HDAC9: variants seen among roughly 807,000 people sequenced by gnomAD.
HDAC9 encodes the protein MEF-2 interacting transcription repressor (MITR) protein.
In HDAC9, 41 loss-of-function variants were observed where a neutral mutation model predicts 139.4. The ratio of observed to expected loss-of-function variants is 0.29; its 90% CI spans 0.23 to 0.38. The LOEUF is 0.38. HDAC9 is among the 10% of genes least tolerant of loss of function. HDAC9 has a pLI of 1.00. For missense variants in HDAC9, 1,147 were observed against 1,297.0 expected (o/e 0.88, Z 1.78); for synonymous variants, 517 against 476.2 (o/e 1.09, Z -1.12).
intron 6 of HDAC9, among the ~76,000 whole-genome samples, chr7:18,602,986 G>T (rs968274897): frequency 2.6e-5 from 4 of 151,976 alleles, no homozygotes; most frequent in Non-Finnish European, 4.4e-5. Context: ...ACATTATTAG[G>T]AGCATACATA....
chr7:18,491,873 C>T (rs889597309), upstream of HDAC9, among the ~76,000 whole-genome samples: 5 of 151,854 alleles, frequency 3.3e-5, no homozygotes, highest in African/African-American at 1.2e-4. Context: ...CACTCAAACT[C>T]ACACTAATGT....
intron 12 of HDAC9, among the ~76,000 whole-genome samples, chr7:18,706,882 G>A (rs901050735): frequency 6.6e-6 from 1 of 152,178 alleles, no homozygotes; most frequent in Admixed American, 6.5e-5. Flanking sequence ...GAGTTAGGTC[G>A]AGGGTGCCTT....
At chr7:18,713,099 A>G (rs1326171302) in intron 12 of HDAC9, among the ~76,000 whole-genome samples, 1 of 152,224 alleles carries the variant, frequency 6.6e-6, no homozygotes, top group East Asian at 1.9e-4. Flanking sequence ...CGCAAAAGCA[A>G]TGCAAGTTGT....
intron 1 of HDAC9, among the ~76,000 whole-genome samples, chr7:18,311,546 G>A (rs1256913307): frequency 6.6e-6 from 1 of 152,054 alleles, no homozygotes; most frequent in African/African-American, 2.4e-5. Flanking sequence ...TTACAGATGA[G>A]GAAATAGGCA....
intron 2 of HDAC9, among the ~76,000 whole-genome samples, chr7:18,552,476 G>A (rs1466661999): frequency 1.3e-5 from 2 of 152,072 alleles, no homozygotes; most frequent in Non-Finnish European, 2.9e-5. Context: ...GAAATGGACT[G>A]CTGAGAACAG....
At chr7:18,097,874 T>C (rs1401419425) in intron 1 of HDAC9, among the ~76,000 whole-genome samples, 1 of 152,204 alleles carries the variant, frequency 6.6e-6, no homozygotes, top group African/African-American at 2.4e-5. Flanking sequence ...TATATTATCA[T>C]TGTTAATACC....
rs1001917046 is a variant in HDAC9, at chr7:18,806,513, T to C, written c.2322+13061T>C. ...CCAACAATATGGCATGGAATCCTCATGTTGTCATTTTTCTAACCCTTTCTG... is the reference window on the plus strand; with the variant it reads ...CCAACAATATGGCATGGAATCCTCACGTTGTCATTTTTCTAACCCTTTCTG... On this transcript the variant is annotated intron_variant, in intron 17 of 25. Transcript: ENST00000686413. Among the ~76,000 whole-genome samples, 3 of 152,282 alleles carry C rather than the reference T, an allele frequency of 2.0e-5. No individual in the cohort carries two copies. The South Asian group carries it at 6.2e-4, about 32-fold the overall frequency.
At chr7:18,968,314 C>CAATT (rs1784016291) in intron 24 of HDAC9, among the ~76,000 whole-genome samples, 1 of 151,968 alleles carries the variant, frequency 6.6e-6, no homozygotes. Flanking sequence ...TATATTTTTC[C>CAATT]AATTAGTTAG....
At chr7:18,337,252 C>G (rs1781651442) in intron 1 of HDAC9, among the ~76,000 whole-genome samples, 1 of 151,610 alleles carries the variant, frequency 6.6e-6, no homozygotes, top group Non-Finnish European at 1.5e-5. Context: ...ACCTTTCTTC[C>G]TTTCTTCCTG....
At chr7:18,845,846 G>C (rs1451442167) in intron 21 of HDAC9, among the ~76,000 whole-genome samples, 1 of 152,192 alleles carries the variant, frequency 6.6e-6, no homozygotes, top group East Asian at 1.9e-4. Flanking sequence ...CTCGAAGGAA[G>C]AGAGGTATCT....
At chr7:18,541,168 T>TC (rs1448754241) in intron 2 of HDAC9, among the ~76,000 whole-genome samples, 2 of 138,668 alleles carry the variant, frequency 1.4e-5, no homozygotes, top group East Asian at 4.1e-4. Context: ...TTTTTTTTTC[T>TC]GATTGAAAAT....
At chr7:18,672,199 C>T (rs2129084304) in intron 12 of HDAC9, among the ~76,000 whole-genome samples, 1 of 152,158 alleles carries the variant, frequency 6.6e-6, no homozygotes, top group African/African-American at 2.4e-5. Context: ...AGTTCCTCCA[C>T]ATCTTCTCCA....
At chr7:18,341,435 CTT>C (rs1209765695) in intron 1 of HDAC9, among the ~76,000 whole-genome samples, 1 of 151,636 alleles carries the variant, frequency 6.6e-6, no homozygotes, top group Non-Finnish European at 1.5e-5. Flanking sequence ...ATTTAATTCT[CTT>C]TTTTCTGAGT....
intron 2 of HDAC9, among the ~76,000 whole-genome samples, chr7:18,547,846 T>TCCTTCCTTCCTTCCTC: frequency 7.3e-6 from 1 of 137,398 alleles, no homozygotes; most frequent in Non-Finnish European, 1.6e-5. Context: ...CTTCCTTCCT[T>TCCTTCCTTCCTTCCTC]CCTTCCTTCC....
intron 2 of HDAC9, among the ~76,000 whole-genome samples, chr7:18,181,755 C>A (rs913948855): frequency 1.3e-5 from 2 of 151,898 alleles, no homozygotes; most frequent in Non-Finnish European, 2.9e-5. Context: ...GCCCAGGGGT[C>A]CTTTAAAAAA....
Position 18,981,598 on chromosome 7 carries a change from C to A in HDAC9, c.3170+5645C>A, listed in dbSNP as rs115299423. Among the ~76,000 whole-genome samples, 719 of 152,236 alleles carry A rather than the reference C, an allele frequency of 4.7e-3. 3 individuals carry two copies. Among genetic ancestry groups the A allele is most frequent in the African/African-American group, 0.017 (693 of 41,542 alleles). ...GCCTGCATTCCTTGGCTCATGACCC[C>A]TTCTTCCATCTTTAAAGCCAGCAAC... On this transcript the variant is annotated intron_variant, in intron 25 of 25. Transcript: ENST00000686413.
chr7:18,905,328 G>T (rs893556487), intron 22 of HDAC9, among the ~76,000 whole-genome samples: 1 of 152,174 alleles, frequency 6.6e-6, no homozygotes, highest in African/African-American at 2.4e-5. Context: ...GTTTAATAAG[G>T]CATTTTATAC....
intron 13 of HDAC9, among the ~76,000 whole-genome samples, chr7:18,734,841 G>C (rs978571076): frequency 6.6e-6 from 1 of 152,250 alleles, no homozygotes; most frequent in East Asian, 1.9e-4. Flanking sequence ...GAACTAGTTT[G>C]CACTCCCACC....
intron 1 of HDAC9, among the ~76,000 whole-genome samples, chr7:18,291,583 A>G (rs964628328): frequency 6.6e-6 from 1 of 152,038 alleles, no homozygotes; most frequent in Non-Finnish European, 1.5e-5. Flanking sequence ...TTGTCCAAGC[A>G]GAAAGCCAAA....
Sources: gnomAD v4.1 joint callset for allele counts (sites outside exome capture counted in the v4.1 genomes callset) on GRCh38, gnomAD v4.1.1 for gene constraint, MANE v1.5 for transcripts, NCBI Gene and HGNC (gene_info 2026-07-23, HGNC 2026-07-21) for gene names.